The following ZFPM1 variants were observed in gnomAD, a reference collection of about 807,000 sequenced individuals.
The protein encoded by ZFPM1 is zinc finger protein ZFPM1.
In ZFPM1, 28 loss-of-function variants were observed where a neutral mutation model predicts 46.3. The observed-to-expected ratio is 0.60, with a 90% CI of 0.45 to 0.83. ZFPM1 has a LOEUF of 0.83. ZFPM1 is among the 40% of genes least tolerant of loss of function. The pLI is 0.00. For synonymous variants in ZFPM1, 957 were observed against 675.9 expected (o/e 1.42, Z -6.45); for missense variants, 1,878 against 1,432.4 (o/e 1.31, Z -5.02).
chr16:88,452,941 C>T (rs1907340479), upstream of ZFPM1, among the ~76,000 whole-genome samples: 1 of 152,254 alleles, frequency 6.6e-6, no homozygotes, highest in East Asian at 1.9e-4. Flanking sequence ...GGCTAGAGGT[C>T]TCCCCGGGGC....
At chr16:88,501,375 A>G (rs372258426) in intron 3 of ZFPM1, among the ~76,000 whole-genome samples, 21 of 69,178 alleles carry the variant, frequency 3.0e-4, no homozygotes, top group African/African-American at 5.1e-4. Flanking sequence ...GAGATAGCAG[A>G]CATGGGTGCG....
intron 3 of ZFPM1, among the ~76,000 whole-genome samples, chr16:88,509,435 G>A (rs1910833095): frequency 6.6e-6 from 1 of 152,240 alleles, no homozygotes; most frequent in Non-Finnish European, 1.5e-5. Context: ...GCACTCCCGA[G>A]ACTACCAGCC....
At chr16:88,516,821 C>CAGATGCGAT (rs1159555817) in intron 4 of ZFPM1, among the ~76,000 whole-genome samples, 1 of 152,170 alleles carries the variant, frequency 6.6e-6, no homozygotes, top group Non-Finnish European at 1.5e-5. Context: ...GGGAGGGGTG[C>CAGATGCGAT]AGATGCGATG....
intron 3 of ZFPM1, among the ~76,000 whole-genome samples, chr16:88,504,811 G>A (rs557825147): frequency 2.6e-5 from 4 of 152,354 alleles, no homozygotes; most frequent in East Asian, 1.9e-4. Flanking sequence ...TGAAAGGGCA[G>A]TTCTGGGCCT....
At chr16:88,470,425 G>T (rs2142353508) in intron 1 of ZFPM1, among the ~76,000 whole-genome samples, 1 of 152,374 alleles carries the variant, frequency 6.6e-6, no homozygotes, top group Admixed American at 6.5e-5. Context: ...TGAACACAGG[G>T]GTCTGACGTG....
Position 88,532,948 on chromosome 16 carries a change from G to T in ZFPM1, c.1189+13G>T, listed in dbSNP as rs1344891876. The T allele has an allele frequency of 6.2e-7, 1 of 1,612,508 alleles. No individual in the cohort carries two copies. The highest frequency in any genetic ancestry group is 8.5e-7 in the Non-Finnish European group (1 of 1,179,868). ...AAGCTGCCCCCAGGTGAGCAGCCCTGTGGGGGCCACCCCTGCCCCTTAGGC... is the reference window on the plus strand; with the variant it reads ...AAGCTGCCCCCAGGTGAGCAGCCCTTTGGGGGCCACCCCTGCCCCTTAGGC... On this transcript the variant is annotated intron_variant, in intron 9 of 9. Transcript: ENST00000319555.
chr16:88,500,194 G>A (rs1297470320), intron 3 of ZFPM1, among the ~76,000 whole-genome samples: 1 of 144,670 alleles, frequency 6.9e-6, no homozygotes, highest in Non-Finnish European at 1.5e-5. Context: ...CAGACATCTC[G>A]GGGGCAGGCC....
chr16:88,535,146 A>G lies in ZFPM1; in HGVS notation c.*167A>G. 1.2e-6 allele frequency: 1 copy of G among 830,446 alleles called. No individual in the cohort carries two copies. Among genetic ancestry groups the G allele is most frequent in the South Asian group, 4.0e-5 (1 of 25,138 alleles). The allele number at this position is 830,446 out of a possible 1,614,324, so 51.4% of individuals were successfully genotyped here. On this transcript the variant is annotated 3_prime_UTR_variant, in exon 10 of 10. Coordinates refer to ENST00000319555, the MANE Select transcript of ZFPM1 (RefSeq NM_153813.3). Reference sequence around the variant, plus strand: ...CGCCTGGACCCTTGGCACTTAATAAAGAAGTTCAGTTTGATGAGCATGGTG... The same window carrying G: ...CGCCTGGACCCTTGGCACTTAATAAGGAAGTTCAGTTTGATGAGCATGGTG...
chr16:88,455,725 G>T (rs1367275187), intron 1 of ZFPM1, among the ~76,000 whole-genome samples: 1 of 152,178 alleles, frequency 6.6e-6, no homozygotes, highest in Non-Finnish European at 1.5e-5. Flanking sequence ...CTGATAAGGC[G>T]CGCAACCGAT....
Position 88,533,423 on chromosome 16 carries a change from A to C in ZFPM1, c.1465A>C (p.Thr489Pro). The C allele has an allele frequency of 6.8e-7, 1 of 1,479,716 alleles. No homozygotes were observed. Among genetic ancestry groups the C allele is most frequent in the Non-Finnish European group, 8.9e-7 (1 of 1,125,226 alleles). The allele number at this position is 1,479,716 out of a possible 1,614,324, so 91.7% of individuals were successfully genotyped here. The change falls in exon 10 of 10, where the codon ACG becomes CCG. Residue 489 changes from threonine (T) to proline (P), a missense_variant. By Grantham distance (38) the Thr-to-Pro change is conservative. Transcript: ENST00000319555. ...GCCTGGGCCCCAGGCCCCGTCGCGG[A>C]CGCCGTCGCCGCGCAGCCCCGCCCC... ...GEPGPQAPSR[T>P]PSPRSPAPAR...
At chr16:88,512,844 G>A (rs1416463292) in intron 3 of ZFPM1, 2 of 152,228 alleles carry the variant, frequency 1.3e-5, no homozygotes, top group African/African-American at 2.4e-5. Context: ...GCCAGGACAT[G>A]AGGGGCCGGG....
chr16:88,502,572 T>G lies in ZFPM1; in HGVS notation c.269-11815T>G, dbSNP rs544799613. Among the ~76,000 whole-genome samples, 8 of 152,230 alleles carry G rather than the reference T, an allele frequency of 5.3e-5. No individual in the cohort carries two copies. The South Asian group carries it at 1.0e-3, about 20-fold the overall frequency. On this transcript the variant is annotated intron_variant, in intron 3 of 9. Transcript: ENST00000319555. Reference sequence around the variant, plus strand: ...TCCCCAGCCTCCCAGAGCCCCACTGTCCCTTCCCGTCCAGTGCTGCTGGAG... The same window carrying G: ...TCCCCAGCCTCCCAGAGCCCCACTGGCCCTTCCCGTCCAGTGCTGCTGGAG...
chr16:88,502,406 G>A (rs1168445753), intron 3 of ZFPM1, among the ~76,000 whole-genome samples: 1 of 152,128 alleles, frequency 6.6e-6, no homozygotes, highest in East Asian at 1.9e-4. Context: ...TGCCCCATAG[G>A]CCTGACGCCT....
intron 4 of ZFPM1, among the ~76,000 whole-genome samples, chr16:88,518,256 G>A (rs1406733453): frequency 6.6e-6 from 1 of 152,012 alleles, no homozygotes; most frequent in Non-Finnish European, 1.5e-5. Flanking sequence ...ATGGGTGGGT[G>A]AGTAGATGGA....
chr16:88,533,091 C>A lies in ZFPM1; in HGVS notation c.1190-57C>A, dbSNP rs558075437. On this transcript the variant is annotated intron_variant, in intron 9 of 9. Transcript: ENST00000319555. ...CCCTTCCGGAGCTCGCCCTCCAGCT[C>A]TGACCGGCCAGGTCCTGCCCCAGGC... The A allele has an allele frequency of 7.0e-5, 103 of 1,465,800 alleles. No individual in the cohort carries two copies. In the South Asian group the frequency reaches 1.3e-3, roughly 19 times the overall value. The allele number at this position is 1,465,800 out of a possible 1,614,324, so 90.8% of individuals were successfully genotyped here.
Position 88,533,242 on chromosome 16 carries a change from G to C in ZFPM1, c.1284G>C (p.Leu428=). ...LGLAPTPSPG[L]DRKALAEATN... is the part of the protein sequence containing the mutation. ...TGGCGCCCACCCCATCGCCAGGACTGGACAGAAAGGCCCTGGCCGAGGCCA... is the reference window on the plus strand; with the variant it reads ...TGGCGCCCACCCCATCGCCAGGACTCGACAGAAAGGCCCTGGCCGAGGCCA... Residue 428 remains leucine, a synonymous_variant, in exon 10 of 10, where the codon CTG becomes CTC. Transcript: ENST00000319555. 6.4e-7 allele frequency: 1 copy of C among 1,561,420 alleles called. No homozygotes were observed. Among genetic ancestry groups the C allele is most frequent in the Non-Finnish European group, 8.6e-7 (1 of 1,160,906 alleles).
At chr16:88,488,988 C>A in intron 2 of ZFPM1, 43 bp from the exon 3 acceptor site, 1 of 1,590,950 alleles carries the variant, frequency 6.3e-7, no homozygotes, top group Non-Finnish European at 8.6e-7. Context: ...CAGCTCAGTG[C>A]CCGGCACTCA....
chr16:88,533,210 C>G lies in ZFPM1; in HGVS notation c.1252C>G (p.Leu418Val). The change falls in exon 10 of 10, where the codon CTG becomes GTG. Residue 418 changes from leucine (L) to valine (V), a missense_variant. Coordinates refer to ENST00000319555, the MANE Select transcript of ZFPM1 (RefSeq NM_153813.3). ...ALQGPLASAD[L>V]GLAPTPSPGL... ...GCAAGGCCCCCTGGCCTCCGCGGACCTGGGCCTGGCGCCCACCCCATCGCC... is the reference window on the plus strand; with the variant it reads ...GCAAGGCCCCCTGGCCTCCGCGGACGTGGGCCTGGCGCCCACCCCATCGCC... The G allele has an allele frequency of 6.4e-6, 10 of 1,556,884 alleles. No homozygotes were observed. Among genetic ancestry groups the G allele is most frequent in the Non-Finnish European group, 7.8e-6 (9 of 1,160,238 alleles).
chr16:88,490,589 G>C (rs1047748521), intron 3 of ZFPM1, among the ~76,000 whole-genome samples: 1 of 152,222 alleles, frequency 6.6e-6, no homozygotes, highest in African/African-American at 2.4e-5. Context: ...AGCAAGGGGA[G>C]AGTGCACGAT....
Sources: allele counts gnomAD v4.1 joint callset (sites outside exome capture counted in the v4.1 genomes callset), GRCh38; gene constraint gnomAD v4.1.1; transcripts MANE v1.5; gene names NCBI Gene and HGNC (gene_info 2026-07-23, HGNC 2026-07-21).